The following INPP5D variants were observed in gnomAD, a reference collection of about 807,000 sequenced individuals.
INPP5D encodes the protein inositol polyphosphate-5-phosphatase D, also known as phosphatidylinositol 3,4,5-trisphosphate 5-phosphatase 1.
In INPP5D, 33 loss-of-function variants were observed where a neutral mutation model predicts 122.9. The observed-to-expected ratio is 0.27, with a 90% CI of 0.20 to 0.36. The LOEUF is 0.36. INPP5D is among the 10% of genes least tolerant of loss of function. The pLI, the probability that INPP5D is intolerant of heterozygous loss-of-function variation, is 1.00. For synonymous variants in INPP5D, 584 were observed against 576.2 expected, an observed-to-expected ratio of 1.01 and a Z score of -0.19; for missense variants, 1,053 against 1,412.7, an observed-to-expected ratio of 0.75 and a Z score of 4.08.
intron 6 of INPP5D, among the ~76,000 whole-genome samples, chr2:233,142,452 G>A (rs1297448181): frequency 6.6e-6 from 1 of 152,128 alleles, no homozygotes; most frequent in Non-Finnish European, 1.5e-5. Context: ...TTTGGTTAAG[G>A]AGTGAGTGAA....
chr2:233,120,325 A>G (rs1006199531), intron 2 of INPP5D, among the ~76,000 whole-genome samples: 1 of 151,972 alleles, frequency 6.6e-6, no homozygotes, highest in East Asian at 1.9e-4. Flanking sequence ...CTCTACTAAA[A>G]TTACAAAAAT....
rs770554469 is a variant in INPP5D at position 233,128,274 on chromosome 2, T to C, written c.525-2234T>C. ...CCCCCACCACCCATCCGTGGAATAA[T>C]TGTCTTCCACAAAACCGGTCCCTTG... On this transcript the variant is annotated intron_variant, in intron 4 of 26. Transcript: ENST00000445964. The surrounding 1 kb of genome is among the most constrained non-coding windows in gnomAD (Gnocchi z 4.5). Among the ~76,000 whole-genome samples the C allele has an allele frequency of 6.6e-6, 1 of 152,196 alleles. No individual in the cohort carries two copies. The highest frequency in any genetic ancestry group is 2.4e-5 in the African/African-American group (1 of 41,462).
At chr2:233,169,481 G>A in intron 14 of INPP5D, 80 bp downstream of exon 14, 9 of 1,537,970 alleles carry the variant, frequency 5.9e-6, no homozygotes, top group Non-Finnish European at 7.9e-6. Context: ...GCACCAGAAG[G>A]ACCTGCTCAG....
In INPP5D at chr2:233,096,810, T is replaced by C. The variant is rs191990717; in HGVS notation, c.198+17412T>C. ...ATGTTTTGTATATTAATTTTGGGGG[T>C]AAGTTATATGAAAATATTTTCTCCA... On this transcript the variant is annotated intron_variant, in intron 2 of 26. Coordinates refer to ENST00000445964, the MANE Select transcript of INPP5D (RefSeq NM_001017915.3). Among the ~76,000 whole-genome samples, 726 of 152,290 alleles carry C rather than the reference T, an allele frequency of 4.8e-3. 5 individuals carry two copies. The highest frequency in any genetic ancestry group is 0.017 in the African/African-American group (696 of 41,554).
intron 1 of INPP5D, among the ~76,000 whole-genome samples, chr2:233,061,564 T>C (rs6759511): frequency 0.37 from 55,674 of 152,066 alleles, 10,821 homozygotes; most frequent in Non-Finnish European, 0.41. Flanking sequence ...CAGGGCCTTG[T>C]GCTTCTCCAG....
chr2:233,139,098 A>G (rs1459791383), intron 5 of INPP5D, among the ~76,000 whole-genome samples: 1 of 152,046 alleles, frequency 6.6e-6, no homozygotes, highest in East Asian at 1.9e-4. Context: ...GAGTAACCCA[A>G]ATATCTAGCA....
Position 233,174,716 on chromosome 2 carries a change from C to T in INPP5D, c.1990-2549C>T, listed in dbSNP as rs142061075. 2.6e-3 allele frequency among the ~76,000 whole-genome samples: 398 copies of T among 150,706 alleles called. 3 individuals carry two copies. Among genetic ancestry groups the T allele is most frequent in the African/African-American group, 8.9e-3 (364 of 40,904 alleles). ...CTGAGTCAGGAGAATTGTTTGAATC[C>T]GGCAGACAGAGGTTGCAGTGAGCTG... On this transcript the variant is annotated intron_variant, in intron 17 of 26. Transcript: ENST00000445964.
At chr2:233,146,764 A>AG (rs915600571) in intron 8 of INPP5D, among the ~76,000 whole-genome samples, 2 of 150,566 alleles carry the variant, frequency 1.3e-5, no homozygotes, top group African/African-American at 4.9e-5. Context: ...TACTGCCTCA[A>AG]GGGGGTGGGG....
At position 233,122,255 on chromosome 2, in the gene INPP5D, CAGGT is replaced by C; in HGVS notation, c.349+2_349+5del. 1 of 1,613,350 alleles carries C rather than the reference CAGGT, an allele frequency of 6.2e-7. No homozygotes were observed. The highest frequency in any genetic ancestry group is 8.5e-7 in the Non-Finnish European group (1 of 1,179,636). On this transcript the variant is annotated splice_donor_variant and coding_sequence_variant, in exon 3 of 27. Transcript: ENST00000445964. LOFTEE classifies it high-confidence loss of function. ...ACAGGCGACGACCCTGAGGAGGACA[CAGGT>C]AGGGAGGGAGGGACAGGACGGCAGG...
intron 2 of INPP5D, among the ~76,000 whole-genome samples, chr2:233,104,167 C>G (rs1349732404): frequency 6.9e-6 from 1 of 144,510 alleles, no homozygotes; most frequent in Admixed American, 6.9e-5. Flanking sequence ...CGCACCACCA[C>G]ACCTGGCTAA....
chr2:233,171,171 C>A lies in INPP5D; in HGVS notation c.1989+19C>A, dbSNP rs1181356437. On this transcript the variant is annotated intron_variant, in intron 17 of 26. Coordinates refer to ENST00000445964, the MANE Select transcript of INPP5D (RefSeq NM_001017915.3). ...GACAGGGGTGAGTCCTCTTCATAGACACCTTCCCTGCCCTCCATCTCCTCC... is the reference window on the plus strand; with the variant it reads ...GACAGGGGTGAGTCCTCTTCATAGAAACCTTCCCTGCCCTCCATCTCCTCC... 6.2e-7 allele frequency: 1 copy of A among 1,612,834 alleles called. No individual in the cohort carries two copies. The highest frequency in any genetic ancestry group is 1.3e-5 in the African/African-American group (1 of 74,966).
At chr2:233,073,066 C>T (rs1363564462) in intron 1 of INPP5D, among the ~76,000 whole-genome samples, 1 of 152,192 alleles carries the variant, frequency 6.6e-6, no homozygotes, top group Non-Finnish European at 1.5e-5. Flanking sequence ...TGGAACAAAT[C>T]AGCCCATCCC....
At chr2:233,190,085 C>A in intron 22 of INPP5D, 148 bp downstream of exon 22, 5 of 1,322,774 alleles carry the variant, frequency 3.8e-6, no homozygotes, top group Non-Finnish European at 5.0e-6. Flanking sequence ...GGACCGTCAC[C>A]ACTAAGTCAT....
Position 233,158,294 on chromosome 2 carries a change from G to T in INPP5D, c.1031-19G>T. On this transcript the variant is annotated intron_variant, in intron 9 of 26. Transcript: ENST00000445964. ...TGAATGAGTGGATGAATGAATTAAT[G>T]AATTTCTTTTCTCTTAAGTCCTGCA... 2.9e-6 allele frequency: 2 copies of T among 697,248 alleles called. No homozygotes were observed. The highest frequency in any genetic ancestry group is 3.0e-5 in the South Asian group (2 of 66,552). 43.2% of individuals were successfully genotyped at this position (697,248 alleles called of 1,614,324 possible). A position where few individuals can be genotyped will look rare whatever the true frequency, so the allele number is the denominator to read the frequency against.
rs1162083188 is a variant in INPP5D at position 233,164,342 on chromosome 2, G to T, written c.1473G>T (p.Val491=). The T allele has an allele frequency of 6.4e-7, 1 of 1,552,208 alleles. No homozygotes were observed. Among genetic ancestry groups the T allele is most frequent in the Non-Finnish European group, 8.7e-7 (1 of 1,147,394 alleles). The change falls in exon 13 of 27, where the codon GTG becomes GTT. Residue 491 remains valine, a synonymous_variant. Transcript: ENST00000445964. This position sits in a 1 kb window ranked among gnomAD's most constrained non-coding sequence, Gnocchi z 4.3. The part of the protein sequence containing the change: ...AIHTLWNIRI[V]VLAKPEHENR... Reference sequence around the variant, plus strand: ...ACACGCTCTGGAACATCCGCATCGTGGTGCTGGCCAAGCCTGAGCACGAGA... The same window carrying T: ...ACACGCTCTGGAACATCCGCATCGTTGTGCTGGCCAAGCCTGAGCACGAGA...
Position 233,164,729 on chromosome 2 carries a change from C to T in INPP5D, c.1555+305C>T, listed in dbSNP as rs1574778224. 2.0e-5 allele frequency among the ~76,000 whole-genome samples: 3 copies of T among 152,080 alleles called. No homozygotes were observed. The highest frequency in any genetic ancestry group is 2.0e-4 in the Admixed American group (3 of 15,274). On this transcript the variant is annotated intron_variant, in intron 13 of 26. Coordinates refer to ENST00000445964, the MANE Select transcript of INPP5D (RefSeq NM_001017915.3). This position sits in a 1 kb window ranked among gnomAD's most constrained non-coding sequence, Gnocchi z 4.3. Reference sequence around the variant, plus strand: ...GCGACTTGAGCGCTGCTGGTCGGCCCGTGGGACCCATTTTAAGAAGCAAGA... The same window carrying T: ...GCGACTTGAGCGCTGCTGGTCGGCCTGTGGGACCCATTTTAAGAAGCAAGA...
At position 233,204,639 on chromosome 2, in the gene INPP5D, C is replaced by T. The variant is rs780538543; in HGVS notation, c.3489C>T (p.Asp1163=). 2 of 1,584,524 alleles carry T rather than the reference C, an allele frequency of 1.3e-6. No individual in the cohort carries two copies. Among genetic ancestry groups the T allele is most frequent in the Non-Finnish European group, 1.7e-6 (2 of 1,166,818 alleles). The change falls in exon 26 of 27, where the codon GAC becomes GAT. Residue 1163 remains aspartate (D), a synonymous_variant. Coordinates refer to ENST00000445964, the MANE Select transcript of INPP5D (RefSeq NM_001017915.3). ...LQHSKGRDYR[D]NTELPHHGKH... The stretch of plus-strand genomic sequence containing the variant: ...ACTCCAAGGGCCGCGACTACCGCGA[C>T]AACACCGAGCTCCCGCATCACGGCA...
At chr2:233,129,762 G>T (rs191645318) in intron 4 of INPP5D, among the ~76,000 whole-genome samples, 48 of 152,306 alleles carry the variant, frequency 3.2e-4, no homozygotes, top group Non-Finnish European at 4.4e-5. Flanking sequence ...AAGTGCATGG[G>T]AGCTAAAGCC....
chr2:233,180,428 A>G (rs574062577), intron 18 of INPP5D, among the ~76,000 whole-genome samples: 17 of 150,818 alleles, frequency 1.1e-4, no homozygotes, highest in African/African-American at 3.9e-4. Context: ...CCACTGCCAC[A>G]GCAAACCTGT....
Sources: gnomAD v4.1 joint callset for allele counts (sites outside exome capture counted in the v4.1 genomes callset) on GRCh38, gnomAD v4.1.1 for gene constraint, Gnocchi (gnomAD v3.1) non-coding constraint, MANE v1.5 for transcripts, NCBI Gene and HGNC (gene_info 2026-07-23, HGNC 2026-07-21) for gene names.